The following UVSSA variants were observed in gnomAD, a reference collection of about 807,000 sequenced individuals.
The protein encoded by UVSSA is UV-stimulated scaffold protein A.
In UVSSA, 72 loss-of-function variants were observed where a neutral mutation model predicts 73.9. The ratio of observed to expected loss-of-function variants is 0.97; its 90% CI spans 0.81 to 1.19. UVSSA has a LOEUF of 1.19. Ranked by LOEUF, UVSSA falls within the 50% of genes most tolerant of loss-of-function variation. The probability of loss-of-function intolerance (pLI) is 0.00; values close to 1 mark genes in which losing one functional copy is unlikely to be tolerated. For missense variants in UVSSA, 1,150 were observed against 965.0 expected (o/e 1.19, Z -2.54); for synonymous variants, 454 against 391.3 (o/e 1.16, Z -1.89).
intron 13 of UVSSA, 134 bp downstream of exon 13, chr4:1,384,074 G>T: frequency 8.4e-7 from 1 of 1,189,386 alleles, no homozygotes; most frequent in Non-Finnish European, 1.1e-6. Flanking sequence ...AGTTCCCCTG[G>T]GGGACCACCC....
intron 7 of UVSSA, among the ~76,000 whole-genome samples, chr4:1,365,019 A>C (rs1414628897): frequency 6.6e-6 from 1 of 152,136 alleles, no homozygotes; most frequent in Non-Finnish European, 1.5e-5. Context: ...GGGCTGTTGG[A>C]AGGATGCAGG....
In UVSSA at chr4:1,351,787, G is replaced by A. The variant is rs1714795680; in HGVS notation, c.502G>A (p.Asp168Asn). 1.2e-6 allele frequency: 2 copies of A among 1,613,602 alleles called. No individual in the cohort carries two copies. The highest frequency in any genetic ancestry group is 1.3e-5 in the African/African-American group (1 of 74,944). ...AGAAGAGGAGAAGCAGAAGCACTTG[G>A]ATAAAATTTATCAAGAAAGAGCCAG... ...KREEEKQKHL[D>N]KIYQERASQA... Residue 168 changes from aspartate to asparagine, a missense_variant, in exon 4 of 14, where the codon GAT becomes AAT. Asp to Asn is a conservative substitution (Grantham distance 23). Transcript: ENST00000389851.
intron 7 of UVSSA, 71 bp downstream of exon 7, chr4:1,355,316 T>C: frequency 1.5e-6 from 2 of 1,321,514 alleles, no homozygotes; most frequent in Non-Finnish European, 2.1e-6. Context: ...TGTGGGGGGG[T>C]TGTGCCCTGG....
In UVSSA at chr4:1,354,733, A is replaced by G. The variant is rs754695626; in HGVS notation, c.935-2A>G. The G allele has an allele frequency of 6.2e-7, 1 of 1,612,926 alleles. No individual in the cohort carries two copies. Among genetic ancestry groups the G allele is most frequent in the South Asian group, 1.1e-5 (1 of 90,984 alleles). On this transcript the variant is annotated splice_acceptor_variant, in intron 5 of 13. Transcript: ENST00000389851. LOFTEE classifies it high-confidence loss of function. Reference sequence around the variant, plus strand: ...TTGTGACCTCTGTGTGCTTCTCCCCAGAGGGCCTGAAGGTGCAGGAGAACG... The same window carrying G: ...TTGTGACCTCTGTGTGCTTCTCCCCGGAGGGCCTGAAGGTGCAGGAGAACG...
upstream of UVSSA, among the ~76,000 whole-genome samples, chr4:1,342,027 C>T (rs187140291): frequency 1.4e-4 from 22 of 152,294 alleles, no homozygotes; most frequent in Admixed American, 1.4e-3. Context: ...CTGGGTTGTT[C>T]CCTATTTGGG....
intron 12 of UVSSA, among the ~76,000 whole-genome samples, chr4:1,381,814 A>C (rs151299848): frequency 6.3e-4 from 95 of 151,042 alleles, no homozygotes; most frequent in African/African-American, 2.2e-3. Flanking sequence ...TGGAATTATC[A>C]TGCCACCATG....
chr4:1,362,502 T>A (rs1716788509), intron 7 of UVSSA, among the ~76,000 whole-genome samples: 1 of 152,248 alleles, frequency 6.6e-6, no homozygotes, highest in South Asian at 2.1e-4. Flanking sequence ...AAAAGCAGAC[T>A]GCTCTTGAGA....
rs772921989 is a variant in UVSSA, at chr4:1,349,711, G to C, written c.286G>C (p.Ala96Pro). ...FLELTLGTDP[A>P]QPLPPPREAA... ...GGAGCTCACGCTGGGCACAGACCCC[G>C]CACAGCCTCTGCCGCCCCCCAGGGA... Residue 96 changes from alanine (A) to proline (P), a missense_variant, in exon 3 of 14, where the codon GCA becomes CCA. Transcript: ENST00000389851. The C allele has an allele frequency of 1.2e-6, 2 of 1,613,830 alleles. No homozygotes were observed. Among genetic ancestry groups the C allele is most frequent in the African/African-American group, 2.7e-5 (2 of 75,024 alleles).
chr4:1,344,733 G>A (rs1713553995), upstream of UVSSA, among the ~76,000 whole-genome samples: 1 of 152,204 alleles, frequency 6.6e-6, no homozygotes, highest in Non-Finnish European at 1.5e-5. Flanking sequence ...CACCTAGTAA[G>A]ACAGTAAGTC....
intron 7 of UVSSA, among the ~76,000 whole-genome samples, chr4:1,357,648 C>T (rs1577311878): frequency 6.6e-6 from 1 of 152,248 alleles, no homozygotes; most frequent in African/African-American, 2.4e-5. Context: ...TCCACCTCAC[C>T]CTGGTGGATG....
chr4:1,354,272 G>A (rs970385568), intron 5 of UVSSA, among the ~76,000 whole-genome samples: 1 of 151,944 alleles, frequency 6.6e-6, no homozygotes, highest in Non-Finnish European at 1.5e-5. Flanking sequence ...CACTGAGGGT[G>A]CCACAGCGGG....
chr4:1,342,225 G>A (rs1192735362), upstream of UVSSA, among the ~76,000 whole-genome samples: 1 of 152,252 alleles, frequency 6.6e-6, no homozygotes, highest in Non-Finnish European at 1.5e-5. Flanking sequence ...TCCAGCAGCA[G>A]TGTGAGGATT....
At position 1,349,041 on chromosome 4, in the gene UVSSA, T is replaced by TTTGTGCCGGGCGGTTGGC. The variant is rs141462094; in HGVS notation, c.99-483_99-482insTTGTGCCGGGCGGTTGGC. 1.7e-3 allele frequency among the ~76,000 whole-genome samples: 201 copies of TTTGTGCCGGGCGGTTGGC among 120,616 alleles called. 2 individuals carry two copies. The highest frequency in any genetic ancestry group is 7.3e-3 in the African/African-American group (188 of 25,884). The allele number at this position is 120,616 out of a possible 152,430, so 79.1% of individuals were successfully genotyped here. On this transcript the variant is annotated intron_variant, in intron 2 of 13. Coordinates refer to ENST00000389851, the MANE Select transcript of UVSSA (RefSeq NM_020894.4). ...TGTGCGGTTTGTGCCAGGCGGTGTG[T>TTTGTGCCGGGCGGTTGGC]GTTTGTGCCGGGCGGTTGGCGTTTG...
chr4:1,375,478 G>A lies in UVSSA; in HGVS notation c.1403G>A (p.Arg468Gln), dbSNP rs149276991. Reference protein sequence around the residue: ...TSAAAQLRQLRDHLPPPSSAS... With the variant: ...TSAAAQLRQLQDHLPPPSSAS... ...GCGGCTGCTCAGCTGCGGCAGCTCC[G>A]GGACCACTTGCCTCCACCCTCATCT... Residue 468 changes from arginine to glutamine, a missense_variant, in exon 9 of 14, where the codon CGG becomes CAG. By Grantham distance (43) the Arg-to-Gln change is conservative. Coordinates refer to ENST00000389851, the MANE Select transcript of UVSSA (RefSeq NM_020894.4). The A allele has an allele frequency of 2.3e-5, 37 of 1,611,700 alleles. No individual in the cohort carries two copies. In the African/African-American group the frequency reaches 2.5e-4, roughly 11 times the overall value.
At chr4:1,350,660 G>C (rs182414346) in intron 3 of UVSSA, among the ~76,000 whole-genome samples, 153 of 152,240 alleles carry the variant, frequency 1.0e-3, no homozygotes, top group African/African-American at 3.4e-3. Flanking sequence ...CTGGGTGTGA[G>C]GGTGCACACC....
chr4:1,343,251 G>A (rs1213198057), upstream of UVSSA, among the ~76,000 whole-genome samples: 2 of 152,090 alleles, frequency 1.3e-5, no homozygotes, highest in South Asian at 2.1e-4. Context: ...TGTACCTCTC[G>A]TGGTGGACTT....
exon 14 of UVSSA, chr4:1,394,761 G>A (rs1489496634): frequency 1.9e-6 from 3 of 1,582,680 alleles, no homozygotes; most frequent in Admixed American, 3.4e-5. Flanking sequence ...CATGTGGAGT[G>A]CCCACCTGCT....
exon 14 of UVSSA, chr4:1,393,232 C>T (rs1720445973): frequency 6.6e-6 from 1 of 152,170 alleles, no homozygotes; most frequent in Non-Finnish European, 1.5e-5. Flanking sequence ...GTGAATTTTT[C>T]ATTTCAGTTA....
chr4:1,393,409 GC>G (rs1720448371), exon 14 of UVSSA: 1 of 152,074 alleles, frequency 6.6e-6, no homozygotes, highest in South Asian at 2.1e-4. Flanking sequence ...ACTTGTCTAA[GC>G]CGGGCGTGGT....
Sources: gnomAD v4.1 joint callset for allele counts (sites outside exome capture counted in the v4.1 genomes callset) on GRCh38, gnomAD v4.1.1 for gene constraint, MANE v1.5 for transcripts, NCBI Gene and HGNC (gene_info 2026-07-23, HGNC 2026-07-21) for gene names.